SYN3: variants seen among roughly 807,000 people sequenced by gnomAD.
The protein encoded by SYN3 is synapsin-3.
Under a neutral mutation model 65.8 loss-of-function variants are expected in SYN3, and 35 were observed. The ratio of observed to expected loss-of-function variants is 0.53; its 90% CI spans 0.41 to 0.70. The LOEUF (loss-of-function observed/expected upper bound fraction) is 0.70. SYN3 is among the 30% of genes least tolerant of loss of function. The pLI is 0.00. For synonymous variants in SYN3, 270 were observed against 292.9 expected, an observed-to-expected ratio of 0.92 and a Z score of 0.80; for missense variants, 680 against 749.0, an observed-to-expected ratio of 0.91 and a Z score of 1.08.
At chr22:32,599,324 C>CT (rs58109238) in intron 6 of SYN3, among the ~76,000 whole-genome samples, 235 of 143,976 alleles carry the variant, frequency 1.6e-3, no homozygotes, top group Middle Eastern at 3.6e-3. Flanking sequence ...CCCTGATGTA[C>CT]TTTTTTTTTT....
chr22:32,923,905 T>C (rs1051494257), intron 4 of SYN3, among the ~76,000 whole-genome samples: 4 of 152,204 alleles, frequency 2.6e-5, no homozygotes, highest in Non-Finnish European at 5.9e-5. Flanking sequence ...TGAGTTCTCA[T>C]CATTTAGCTC....
chr22:32,651,204 A>G (rs954662577), intron 6 of SYN3, among the ~76,000 whole-genome samples: 15 of 152,204 alleles, frequency 9.9e-5, no homozygotes, highest in African/African-American at 3.6e-4. Context: ...TACTAAACAC[A>G]CTGCTCTTGG....
chr22:32,960,585 T>A (rs763445711), intron 3 of SYN3, among the ~76,000 whole-genome samples: 6 of 152,174 alleles, frequency 3.9e-5, no homozygotes, highest in African/African-American at 9.7e-5. Context: ...CAGTCATGCA[T>A]GTGACTGCGC....
chr22:32,701,132 C>G (rs1442949187), intron 6 of SYN3, among the ~76,000 whole-genome samples: 1 of 152,186 alleles, frequency 6.6e-6, no homozygotes, highest in African/African-American at 2.4e-5. Flanking sequence ...ACTGTTGTTT[C>G]TAATCTGTTC....
At chr22:32,661,429 T>TG (rs2060215020) in intron 6 of SYN3, among the ~76,000 whole-genome samples, 1 of 152,280 alleles carries the variant, frequency 6.6e-6, no homozygotes, top group African/African-American at 2.4e-5. Flanking sequence ...CGGCCCGCCG[T>TG]GACTCACAGC....
chr22:33,050,796 G>A (rs1053903891), intron 1 of SYN3, among the ~76,000 whole-genome samples: 1 of 152,152 alleles, frequency 6.6e-6, no homozygotes, highest in Non-Finnish European at 1.5e-5. Context: ...TGAGCAAGTG[G>A]ATCATCTTGG....
chr22:32,899,513 G>A (rs574337266), intron 4 of SYN3, among the ~76,000 whole-genome samples: 1 of 152,324 alleles, frequency 6.6e-6, no homozygotes, highest in Admixed American at 6.5e-5. Context: ...TGCAGGGAAT[G>A]AGGGGTTGGT....
intron 2 of SYN3, among the ~76,000 whole-genome samples, chr22:32,991,367 ATAATAG>A (rs987073376): frequency 9.4e-5 from 14 of 149,122 alleles, no homozygotes; most frequent in African/African-American, 3.2e-4. Flanking sequence ...AATAATAATA[ATAATAG>A]TAATAATAGA....
intron 12 of SYN3, among the ~76,000 whole-genome samples, chr22:32,526,147 G>A (rs130453): frequency 0.62 from 93,960 of 151,998 alleles, 29,436 homozygotes; most frequent in East Asian, 0.8. Flanking sequence ...AGACTACAGT[G>A]TAGTGTAAAC....
intron 6 of SYN3, among the ~76,000 whole-genome samples, chr22:32,659,497 T>A (rs2060187699): frequency 6.6e-6 from 1 of 152,222 alleles, no homozygotes; most frequent in African/African-American, 2.4e-5. Flanking sequence ...GTGACATGAC[T>A]GGTACCTCCC....
chr22:33,045,705 G>A (rs985620877), intron 1 of SYN3, among the ~76,000 whole-genome samples: 5 of 151,770 alleles, frequency 3.3e-5, no homozygotes, highest in South Asian at 2.1e-4. Flanking sequence ...CTTGTGATCC[G>A]CACACCTCGG....
At chr22:32,790,882 G>A (rs1034999056) in intron 6 of SYN3, among the ~76,000 whole-genome samples, 10 of 152,296 alleles carry the variant, frequency 6.6e-5, no homozygotes, top group East Asian at 1.9e-4. Context: ...TAGTAGCTAC[G>A]AGAAAAGGTC....
chr22:32,960,851 G>C (rs1441968299), intron 3 of SYN3, among the ~76,000 whole-genome samples: 1 of 152,098 alleles, frequency 6.6e-6, no homozygotes, highest in Non-Finnish European at 1.5e-5. Context: ...AGGCCCTTTT[G>C]CCTCAGTGGC....
chr22:33,023,446 G>T (rs1219042663), intron 1 of SYN3, among the ~76,000 whole-genome samples: 1 of 152,180 alleles, frequency 6.6e-6, no homozygotes, highest in Non-Finnish European at 1.5e-5. Context: ...GGCCTCCCCA[G>T]CCATGTGGAA....
intron 3 of SYN3, among the ~76,000 whole-genome samples, chr22:32,965,542 A>ACG (rs1311590066): frequency 2.3e-5 from 2 of 86,066 alleles, no homozygotes; most frequent in Non-Finnish European, 5.1e-5. Flanking sequence ...TATGGTGCGT[A>ACG]CGTGTGTGTG....
intron 2 of SYN3, among the ~76,000 whole-genome samples, chr22:32,984,261 G>C (rs1286262136): frequency 6.6e-6 from 1 of 150,602 alleles, no homozygotes; most frequent in Non-Finnish European, 1.5e-5. Context: ...ATTTCATAAT[G>C]ACCTTAAAGA....
intron 6 of SYN3, among the ~76,000 whole-genome samples, chr22:32,654,075 G>T (rs1318761612): frequency 6.6e-6 from 1 of 152,222 alleles, no homozygotes; most frequent in African/African-American, 2.4e-5. Context: ...CACACTGGGG[G>T]CCTGTGGTGC....
intron 1 of SYN3, among the ~76,000 whole-genome samples, chr22:33,053,551 T>C (rs899287160): frequency 1.3e-5 from 2 of 152,184 alleles, no homozygotes; most frequent in African/African-American, 4.8e-5. Context: ...TATTTACTTA[T>C]TGCCTCTAGA....
intron 6 of SYN3, among the ~76,000 whole-genome samples, chr22:32,611,965 C>T (rs1342203228): frequency 3.3e-5 from 5 of 152,114 alleles, no homozygotes; most frequent in African/African-American, 9.7e-5. Context: ...AATAATTCTT[C>T]ATGCCTATGT....
Sources: gnomAD v4.1 joint callset for allele counts (sites outside exome capture counted in the v4.1 genomes callset) on GRCh38, gnomAD v4.1.1 for gene constraint, MANE v1.5 for transcripts, NCBI Gene and HGNC (gene_info 2026-07-23, HGNC 2026-07-21) for gene names.